Variants in RTN4 observed in about 807,000 individuals in gnomAD.
RTN4 encodes reticulon 4.
Under a neutral mutation model 90.4 loss-of-function variants are expected in RTN4, and 32 were observed. The ratio of observed to expected loss-of-function variants is 0.35; its 90% confidence interval spans 0.27 to 0.48. The LOEUF is 0.48. Among genes scored for constraint, RTN4 ranks in the 20% least tolerant of loss-of-function variants. The probability of loss-of-function intolerance (pLI) is 0.99; values close to 1 mark genes in which losing one functional copy is unlikely to be tolerated. For missense variants in RTN4, 1,706 were observed against 1,430.2 expected, an observed-to-expected ratio of 1.19 and a Z score of -3.11; for synonymous variants, 629 against 552.5, an observed-to-expected ratio of 1.14 and a Z score of -1.94.
intron 3 of RTN4, among the ~76,000 whole-genome samples, chr2:55,021,397 C>A (rs1224956139): frequency 7.3e-5 from 11 of 151,368 alleles, no homozygotes; most frequent in Non-Finnish European, 1.2e-4. Context: ...CCCTGCCCCC[C>A]CCGCCAAAAA....
chr2:54,974,051 G>A, intron 6 of RTN4, 184 bp from the exon 7 acceptor site: 1 of 545,980 alleles, frequency 1.8e-6, no homozygotes, highest in Non-Finnish European at 3.2e-6. Context: ...TGAATGAACT[G>A]TGTGAGGCTG....
At chr2:55,082,349 A>G (rs1247315262) in intron 1 of RTN4, among the ~76,000 whole-genome samples, 2 of 152,180 alleles carry the variant, frequency 1.3e-5, no homozygotes, top group African/African-American at 4.8e-5. Flanking sequence ...ATGCTATTGT[A>G]GATTCATATA....
intron 2 of RTN4, among the ~76,000 whole-genome samples, chr2:55,071,100 T>A (rs1003335757): frequency 7.3e-5 from 11 of 151,292 alleles, no homozygotes; most frequent in African/African-American, 2.7e-4. Context: ...TTTTTTTTTT[T>A]AATGGAACTT....
intron 5 of RTN4, among the ~76,000 whole-genome samples, chr2:54,982,202 C>A (rs1007435167): frequency 6.6e-6 from 1 of 151,890 alleles, no homozygotes; most frequent in Non-Finnish European, 1.5e-5. Flanking sequence ...GTAATCCACC[C>A]GCCTCGGCCT....
At chr2:54,993,074 G>GAAAAAA (rs1491430691) in intron 3 of RTN4, among the ~76,000 whole-genome samples, 49 of 78,844 alleles carry the variant, frequency 6.2e-4, no homozygotes, top group African/African-American at 1.2e-3. Flanking sequence ...ACTCCATCTC[G>GAAAAAA]GAAAAAAAAA....
intron 1 of RTN4, among the ~76,000 whole-genome samples, chr2:55,097,576 G>A (rs1297961196): frequency 2.6e-5 from 4 of 152,112 alleles, no homozygotes; most frequent in Non-Finnish European, 5.9e-5. Context: ...GAAGGAGGAG[G>A]GGCAGCTTCA....
chr2:55,042,326 A>G (rs1234127916), intron 1 of RTN4, among the ~76,000 whole-genome samples: 1 of 152,160 alleles, frequency 6.6e-6, no homozygotes, highest in Non-Finnish European at 1.5e-5. Flanking sequence ...TTCCCAAAGA[A>G]GTGTATACAA....
upstream of RTN4, among the ~76,000 whole-genome samples, chr2:55,053,768 G>C (rs1275778416): frequency 6.6e-6 from 1 of 152,052 alleles, no homozygotes; most frequent in African/African-American, 2.4e-5. Context: ...AGATACCACT[G>C]GTTAGTAGCT....
At chr2:55,078,726 C>G (rs752379892) in intron 2 of RTN4, among the ~76,000 whole-genome samples, 5 of 152,138 alleles carry the variant, frequency 3.3e-5, no homozygotes, top group East Asian at 1.9e-4. Context: ...AAATGTGTTA[C>G]GTGCTTTAAA....
intron 2 of RTN4, among the ~76,000 whole-genome samples, chr2:55,066,690 T>C (rs1558865290): frequency 8.8e-6 from 1 of 114,204 alleles, no homozygotes; most frequent in African/African-American, 3.6e-5. Flanking sequence ...AGACTCCATC[T>C]CAAAAATAAA....
chr2:55,043,096 T>A (rs916758889), intron 1 of RTN4, among the ~76,000 whole-genome samples: 1 of 152,160 alleles, frequency 6.6e-6, no homozygotes, highest in African/African-American at 2.4e-5. Context: ...AATCTTAGCA[T>A]CAGTAAAGCT....
upstream of RTN4, among the ~76,000 whole-genome samples, chr2:55,053,541 C>T (rs1343043441): frequency 6.6e-6 from 1 of 151,810 alleles, no homozygotes; most frequent in African/African-American, 2.4e-5. Context: ...ACCAAATTAG[C>T]AGGGCATGGT....
At chr2:55,004,361 A>ATTTT (rs2104761646) in intron 3 of RTN4, among the ~76,000 whole-genome samples, 1 of 152,306 alleles carries the variant, frequency 6.6e-6, no homozygotes, top group East Asian at 1.9e-4. Context: ...ATAAAAACAA[A>ATTTT]GGCTTCATGC....
chr2:55,052,908 C>T (rs903017599), upstream of RTN4, among the ~76,000 whole-genome samples: 1 of 152,052 alleles, frequency 6.6e-6, no homozygotes, highest in African/African-American at 2.4e-5. Flanking sequence ...ACAGGACTTA[C>T]GTTATTTGCA....
intron 1 of RTN4, chr2:55,049,233 G>T: frequency 1.1e-6 from 1 of 942,612 alleles, no homozygotes; most frequent in Non-Finnish European, 1.3e-6. Context: ...ACCCACGCCA[G>T]CCAGGAGGTG....
In RTN4 at chr2:55,102,042, G is replaced by T. The variant is rs940547073; in HGVS notation, c.-214+10478C>A. 9.9e-5 allele frequency among the ~76,000 whole-genome samples: 15 copies of T among 151,984 alleles called. 1 individual carries two copies. Among genetic ancestry groups the T allele is most frequent in the African/African-American group, 3.1e-4 (13 of 41,356 alleles). The stretch of plus-strand genomic sequence containing the variant: ...CATCTGAAATCTAAGACAAAAAAAG[G>T]CTTCTGCTTTTATTTTGAATCATAA... On this transcript the variant is annotated intron_variant, in intron 1 of 3. Transcript: ENST00000427710.
At chr2:55,041,588 T>C (rs1193996639) in intron 1 of RTN4, among the ~76,000 whole-genome samples, 1 of 151,966 alleles carries the variant, frequency 6.6e-6, no homozygotes, top group East Asian at 1.9e-4. Context: ...AAATGGTACT[T>C]CAAAGTGGTT....
At chr2:55,005,684 G>A in intron 3 of RTN4, among the ~76,000 whole-genome samples, 1 of 152,054 alleles carries the variant, frequency 6.6e-6, no homozygotes, top group South Asian at 2.1e-4. Context: ...GTAATATGTG[G>A]GACTAGAATA....
chr2:54,991,357 G>A (rs896562085), intron 3 of RTN4, among the ~76,000 whole-genome samples: 11 of 152,172 alleles, frequency 7.2e-5, no homozygotes, highest in African/African-American at 2.7e-4. Flanking sequence ...AACAGGTGTA[G>A]TGACTATATA....
Sources: gnomAD v4.1 joint callset for allele counts (sites outside exome capture counted in the v4.1 genomes callset) on GRCh38, gnomAD v4.1.1 for gene constraint, MANE v1.5 for transcripts, NCBI Gene and HGNC (gene_info 2026-07-23, HGNC 2026-07-21) for gene names.